DAB1: variants seen among roughly 807,000 people sequenced by gnomAD.
DAB1 encodes DAB adaptor protein 1.
Under a neutral mutation model 64.6 loss-of-function variants are expected in DAB1, and 15 were observed. The ratio of observed to expected loss-of-function variants is 0.23; its 90% CI spans 0.16 to 0.36. The LOEUF is 0.36. DAB1 is among the 10% of genes least tolerant of loss of function. The pLI is 1.00. For missense variants in DAB1, 596 were observed against 706.7 expected, an observed-to-expected ratio of 0.84 and a Z score of 1.78; for synonymous variants, 235 against 251.9, an observed-to-expected ratio of 0.93 and a Z score of 0.64.
intron 1 of DAB1, among the ~76,000 whole-genome samples, chr1:57,354,500 A>G (rs1570353288): frequency 6.6e-6 from 1 of 152,154 alleles, no homozygotes; most frequent in Non-Finnish European, 1.5e-5. Flanking sequence ...ATCATGATCA[A>G]TGATTTTCCA....
At chr1:57,961,590 C>T (rs1340215568) in intron 5 of DAB1, among the ~76,000 whole-genome samples, 1 of 152,188 alleles carries the variant, frequency 6.6e-6, no homozygotes, top group Non-Finnish European at 1.5e-5. Flanking sequence ...ACAGCAAGCA[C>T]ATCAAAAGTC....
chr1:58,028,550 C>T (rs1457032250), intron 5 of DAB1, among the ~76,000 whole-genome samples: 2 of 152,094 alleles, frequency 1.3e-5, no homozygotes, highest in African/African-American at 4.8e-5. Context: ...AAATGCTAAA[C>T]CTATGACCAC....
At chr1:57,394,040 T>C (rs1426610124) in intron 1 of DAB1, among the ~76,000 whole-genome samples, 1 of 152,206 alleles carries the variant, frequency 6.6e-6, no homozygotes, top group African/African-American at 2.4e-5. Flanking sequence ...GACTAGTAGT[T>C]CTCAACGTAG....
intron 8 of DAB1, among the ~76,000 whole-genome samples, chr1:57,066,127 G>A (rs1180267892): frequency 2.0e-5 from 3 of 152,086 alleles, no homozygotes; most frequent in East Asian, 3.9e-4. Flanking sequence ...TAAAAATAAC[G>A]ATACTTGACA....
At chr1:58,406,524 G>A (rs895420112) in intron 3 of DAB1, among the ~76,000 whole-genome samples, 2 of 152,170 alleles carry the variant, frequency 1.3e-5, no homozygotes, top group African/African-American at 4.8e-5. Context: ...ATCACGAGAG[G>A]AACTTCTGAG....
chr1:57,601,188 G>A (rs1448851944), intron 7 of DAB1, among the ~76,000 whole-genome samples: 2 of 152,142 alleles, frequency 1.3e-5, no homozygotes, highest in Non-Finnish European at 2.9e-5. Context: ...CTTCCCGAGA[G>A]AGTCAATCCA....
intron 1 of DAB1, among the ~76,000 whole-genome samples, chr1:57,397,725 G>T (rs1193197324): frequency 1.3e-5 from 2 of 152,200 alleles, no homozygotes; most frequent in Non-Finnish European, 2.9e-5. Context: ...GAGTGATGAG[G>T]CATCCTGAGT....
At position 58,052,633 on chromosome 1, in the gene DAB1, G is replaced by C. The variant is rs934648975; in HGVS notation, n.387+97878C>G. Among the ~76,000 whole-genome samples, 145 of 152,176 alleles carry C rather than the reference G, an allele frequency of 9.5e-4. 1 individual carries two copies. Among genetic ancestry groups the C allele is most frequent in the African/African-American group, 3.4e-3 (140 of 41,514 alleles). ...TGGCATTGAATCTATAAATTACCTT[G>C]GGCAGTATGGCCATTTTCATGATAT... is the stretch of plus-strand genomic sequence containing the variant. On this transcript the variant is annotated intron_variant and non_coding_transcript_variant, in intron 5 of 20. Transcript: ENST00000485760.
intron 9 of DAB1, among the ~76,000 whole-genome samples, chr1:57,061,388 G>A (rs1354380848): frequency 6.6e-6 from 1 of 152,194 alleles, no homozygotes. Flanking sequence ...CTTAGGTTTG[G>A]AAGGGACATC....
At chr1:57,722,307 G>A (rs780664315) in intron 6 of DAB1, among the ~76,000 whole-genome samples, 1 of 152,294 alleles carries the variant, frequency 6.6e-6, no homozygotes, top group South Asian at 2.1e-4. Context: ...CTAGCTCCAT[G>A]ATGAAGCTGG....
chr1:57,069,303 ACATT>A, intron 8 of DAB1, 53 bp downstream of exon 8: 1 of 1,358,670 alleles, frequency 7.4e-7, no homozygotes. Flanking sequence ...GACTATCAGT[ACATT>A]TATGCATGTA....
At chr1:57,687,648 C>T (rs1483981124) in intron 6 of DAB1, among the ~76,000 whole-genome samples, 1 of 136,982 alleles carries the variant, frequency 7.3e-6, no homozygotes, top group African/African-American at 2.7e-5. Context: ...CTAGGCATCA[C>T]AAGACCTAAC....
chr1:58,400,981 T>C (rs1015919565), intron 3 of DAB1, among the ~76,000 whole-genome samples: 8 of 152,158 alleles, frequency 5.3e-5, no homozygotes, highest in African/African-American at 1.4e-4. Flanking sequence ...GGAAAGAGCA[T>C]TGTCATCAGA....
Position 57,462,835 on chromosome 1 carries a change from A to C in DAB1, n.626-171669T>G, listed in dbSNP as rs72909281. On this transcript the variant is annotated intron_variant and non_coding_transcript_variant, in intron 7 of 20. Transcript: ENST00000485760. ...ATATATAATGTAGTGCTTGCAGAGC[A>C]CTAATCCAGGGATGTAAATAGGATG... Among the ~76,000 whole-genome samples the C allele has an allele frequency of 5.2e-3, 799 of 152,294 alleles. 7 individuals are homozygous for C. Among genetic ancestry groups the C allele is most frequent in the African/African-American group, 0.017 (706 of 41,574 alleles).
At chr1:57,617,844 C>A (rs891443122) in intron 7 of DAB1, among the ~76,000 whole-genome samples, 1 of 152,176 alleles carries the variant, frequency 6.6e-6, no homozygotes, top group Non-Finnish European at 1.5e-5. Flanking sequence ...ACAAAAGGTA[C>A]CTGGGTTCTA....
chr1:57,234,476 G>GT (rs1173826312), intron 2 of DAB1, among the ~76,000 whole-genome samples: 11 of 151,962 alleles, frequency 7.2e-5, no homozygotes, highest in South Asian at 4.2e-4. Context: ...GAGTGCTTTA[G>GT]TTTTTTTTGT....
chr1:57,528,984 G>T (rs760552546), intron 7 of DAB1, among the ~76,000 whole-genome samples: 3 of 151,968 alleles, frequency 2.0e-5, no homozygotes, highest in Non-Finnish European at 4.4e-5. Context: ...CTTTCTTAAA[G>T]GACTATTGAC....
chr1:57,243,189 A>G (rs1335524248), intron 2 of DAB1, among the ~76,000 whole-genome samples: 1 of 152,242 alleles, frequency 6.6e-6, no homozygotes, highest in Non-Finnish European at 1.5e-5. Context: ...TGATGGATCA[A>G]TACTTACATG....
chr1:57,685,124 T>C (rs1419520420), intron 6 of DAB1, among the ~76,000 whole-genome samples: 1 of 151,794 alleles, frequency 6.6e-6, no homozygotes, highest in African/African-American at 2.4e-5. Flanking sequence ...GGCTACTTTT[T>C]TCTATTTTTA....
Sources: allele counts gnomAD v4.1 joint callset (sites outside exome capture counted in the v4.1 genomes callset), GRCh38; gene constraint gnomAD v4.1.1; transcripts MANE v1.5; gene names NCBI Gene and HGNC (gene_info 2026-07-23, HGNC 2026-07-21).